TRIO: variants seen among roughly 807,000 people sequenced by gnomAD.
The protein encoded by TRIO is trio Rho guanine nucleotide exchange factor, also known as triple functional domain protein.
Under a neutral mutation model 351.9 loss-of-function variants are expected in TRIO, and 58 were observed. That is an observed-to-expected ratio of 0.16 (90% confidence interval 0.13 to 0.21). TRIO has a LOEUF of 0.21. Among genes scored for constraint, TRIO ranks in the 10% least tolerant of loss-of-function variants. The probability of loss-of-function intolerance (pLI) is 1.00; values close to 1 mark genes in which losing one functional copy is unlikely to be tolerated. For missense variants in TRIO, 3,201 were observed against 4,027.8 expected, an observed-to-expected ratio of 0.79 and a Z score of 5.56; for synonymous variants, 1,758 against 1,595.7, an observed-to-expected ratio of 1.10 and a Z score of -2.42.
intron 1 of TRIO, among the ~76,000 whole-genome samples, chr5:14,268,524 A>G (rs1033786068): frequency 6.6e-6 from 1 of 152,094 alleles, no homozygotes; most frequent in Non-Finnish European, 1.5e-5. Context: ...TCTCTGTCTG[A>G]GGGCTTTGCT....
chr5:14,416,439 G>T (rs1749651998), intron 33 of TRIO, among the ~76,000 whole-genome samples: 1 of 152,120 alleles, frequency 6.6e-6, no homozygotes, highest in Non-Finnish European at 1.5e-5. Context: ...CCCCTATGGG[G>T]CCTCTCTTTT....
At chr5:14,414,579 G>A (rs1057378312) in intron 33 of TRIO, among the ~76,000 whole-genome samples, 1 of 152,000 alleles carries the variant, frequency 6.6e-6, no homozygotes, top group Non-Finnish European at 1.5e-5. Context: ...TAAGCTGCTG[G>A]TTTTGAAAAC....
At chr5:14,436,128 T>A (rs1278479924) in intron 34 of TRIO, among the ~76,000 whole-genome samples, 1 of 152,198 alleles carries the variant, frequency 6.6e-6, no homozygotes, top group African/African-American at 2.4e-5. Context: ...CTGCTGAGAC[T>A]AGGCAATTTA....
chr5:14,167,146 T>C (rs1264330948), intron 1 of TRIO, among the ~76,000 whole-genome samples: 1 of 151,180 alleles, frequency 6.6e-6, no homozygotes, highest in Non-Finnish European at 1.5e-5. Context: ...CTTTGAGATT[T>C]AAGATCTAGT....
At chr5:14,313,352 C>T (rs1015359869) in intron 8 of TRIO, among the ~76,000 whole-genome samples, 1 of 152,182 alleles carries the variant, frequency 6.6e-6, no homozygotes, top group Admixed American at 6.5e-5. Flanking sequence ...CCTTCGAAAT[C>T]CAGTCATGAT....
At chr5:14,370,368 A>G (rs1579453086) in intron 18 of TRIO, among the ~76,000 whole-genome samples, 1 of 152,214 alleles carries the variant, frequency 6.6e-6, no homozygotes, top group East Asian at 1.9e-4. Context: ...ACATTTAGCA[A>G]CATTTGGTGC....
At chr5:14,380,767 C>T (rs748743408) in intron 20 of TRIO, among the ~76,000 whole-genome samples, 2 of 152,114 alleles carry the variant, frequency 1.3e-5, no homozygotes, top group Admixed American at 6.5e-5. Context: ...CTCATGCACA[C>T]GTATGTTTAT....
At chr5:14,369,855 C>T (rs575068315) in intron 18 of TRIO, among the ~76,000 whole-genome samples, 22 of 152,306 alleles carry the variant, frequency 1.4e-4, no homozygotes, top group East Asian at 5.8e-4. Flanking sequence ...ATACCTATAG[C>T]TTAAAATAAT....
At chr5:14,236,330 A>C (rs35054836) in intron 1 of TRIO, among the ~76,000 whole-genome samples, 76,161 of 151,920 alleles carry the variant, frequency 0.5, 19,138 homozygotes, top group East Asian at 0.54. Context: ...TAAATCTTAA[A>C]TGTTCCTTTT....
At chr5:14,163,355 C>T (rs1425950548) in intron 1 of TRIO, among the ~76,000 whole-genome samples, 1 of 152,122 alleles carries the variant, frequency 6.6e-6, no homozygotes, top group Non-Finnish European at 1.5e-5. Flanking sequence ...TGAACTCATT[C>T]TTTTTTATGG....
At chr5:14,394,563 C>T (rs1034204709) in intron 28 of TRIO, among the ~76,000 whole-genome samples, 16 of 152,248 alleles carry the variant, frequency 1.1e-4, no homozygotes, top group African/African-American at 2.9e-4. Flanking sequence ...AGGCTCAGCT[C>T]AGAACACAGA....
At chr5:14,330,212 T>G (rs1740780385) in intron 9 of TRIO, among the ~76,000 whole-genome samples, 1 of 152,240 alleles carries the variant, frequency 6.6e-6, no homozygotes, top group South Asian at 2.1e-4. Flanking sequence ...AGTAATTAAA[T>G]TCATGAAATG....
chr5:14,402,444 G>A (rs72748244), intron 31 of TRIO, among the ~76,000 whole-genome samples: 195 of 152,334 alleles, frequency 1.3e-3, no homozygotes, highest in Non-Finnish European at 2.2e-3. Context: ...AGGAAACGAT[G>A]TTCTCATTAA....
At chr5:14,359,238 A>C in intron 12 of TRIO, 119 bp from the exon 13 acceptor site, 1 of 1,243,024 alleles carries the variant, frequency 8.0e-7, no homozygotes, top group Non-Finnish European at 1.1e-6. Flanking sequence ...CCATTTTCTG[A>C]GACAAGCAGT....
chr5:14,336,915 T>G (rs1184195743), intron 11 of TRIO, among the ~76,000 whole-genome samples, 188 bp downstream of exon 11: 1 of 152,142 alleles, frequency 6.6e-6, no homozygotes, highest in Non-Finnish European at 1.5e-5. Context: ...TTTCCTTGTT[T>G]TGTGAGCGCA....
At chr5:14,248,546 G>A (rs1794568162) in intron 1 of TRIO, among the ~76,000 whole-genome samples, 2 of 152,348 alleles carry the variant, frequency 1.3e-5, no homozygotes, top group South Asian at 4.1e-4. Flanking sequence ...TAGGTGAGGG[G>A]GACAAGGCCT....
At chr5:14,228,885 G>GAA (rs1287776520) in intron 1 of TRIO, among the ~76,000 whole-genome samples, 2 of 151,988 alleles carry the variant, frequency 1.3e-5, no homozygotes, top group Non-Finnish European at 2.9e-5. Context: ...AAAAAGAAAA[G>GAA]AAAAAAGAAT....
chr5:14,508,519 C>T lies in TRIO; in HGVS notation c.*97C>T, dbSNP rs544055893. ...CAAGCAAACATAACTGATCAGCTGCCGGTATGTTCATCGTGTGAAATTGCA... is the reference window on the plus strand; with the variant it reads ...CAAGCAAACATAACTGATCAGCTGCTGGTATGTTCATCGTGTGAAATTGCA... On this transcript the variant is annotated 3_prime_UTR_variant, in exon 57 of 57. Coordinates refer to ENST00000344204, the MANE Select transcript of TRIO (RefSeq NM_007118.4). 46 of 1,424,916 alleles carry T rather than the reference C, an allele frequency of 3.2e-5. No homozygotes were observed. The highest frequency in any genetic ancestry group is 1.8e-4 in the Middle Eastern group (1 of 5,408). The allele number at this position is 1,424,916 out of a possible 1,614,324, so 88.3% of individuals were successfully genotyped here. A position where few individuals can be genotyped will look rare whatever the true frequency, so the allele number is the denominator to read the frequency against.
At chr5:14,385,916 A>G (rs1352378005) in intron 21 of TRIO, among the ~76,000 whole-genome samples, 1 of 152,206 alleles carries the variant, frequency 6.6e-6, no homozygotes, top group African/African-American at 2.4e-5. Flanking sequence ...AACCCCTTAA[A>G]GATAGACATA....
Sources: allele counts gnomAD v4.1 joint callset (sites outside exome capture counted in the v4.1 genomes callset), GRCh38; gene constraint gnomAD v4.1.1; transcripts MANE v1.5; gene names NCBI Gene and HGNC (gene_info 2026-07-23, HGNC 2026-07-21).